The following TRANK1 variants were observed in gnomAD, a reference collection of about 807,000 sequenced individuals.
The protein encoded by TRANK1 is tetratricopeptide repeat and ankyrin repeat containing 1, also known as TPR and ankyrin repeat-containing protein 1.
A neutral mutation model predicts 266.0 loss-of-function variants in TRANK1; 198 were observed. The observed-to-expected ratio is 0.74, with a 90% CI of 0.66 to 0.84. The LOEUF is 0.84. Ranked by LOEUF, TRANK1 falls within the 40% of genes least tolerant of loss-of-function variation. The pLI is 0.00. For synonymous variants in TRANK1, 1,396 were observed against 1,384.1 expected (o/e 1.01, Z -0.19); for missense variants, 3,326 against 3,634.6 (o/e 0.92, Z 2.18).
chr3:36,831,615 T>C lies in TRANK1; in HGVS notation c.7968A>G (p.Lys2656=). 3 of 1,613,918 alleles carry C rather than the reference T, an allele frequency of 1.9e-6. No homozygotes were observed. The highest frequency in any genetic ancestry group is 2.2e-5 in the South Asian group (2 of 91,062). The change falls in exon 22 of 24, where the codon AAA becomes AAG. Residue 2656 remains lysine, a synonymous_variant. Coordinates refer to ENST00000645898, the MANE Select transcript of TRANK1 (RefSeq NM_001329998.2). The surrounding 1 kb of genome is among the most constrained non-coding windows in gnomAD (Gnocchi z 5.0). ...CDWRWDPVHT[K]GSIVRGLYYE... is the part of the protein sequence containing the mutation. Reference sequence around the variant, plus strand: ...AATAGAGGCCACGGACTATGGACCCTTTGGTGTGCACAGGGTCCCACCGCC... The same window carrying C: ...AATAGAGGCCACGGACTATGGACCCCTTGGTGTGCACAGGGTCCCACCGCC...
At chr3:36,860,619 C>T (rs1327393352) in intron 11 of TRANK1, among the ~76,000 whole-genome samples, 2 of 152,124 alleles carry the variant, frequency 1.3e-5, no homozygotes, top group African/African-American at 4.8e-5. Context: ...GAGCCAAGGA[C>T]CCTTCACACA....
Position 36,849,810 on chromosome 3 carries a change from T to C in TRANK1, c.4887+1909A>G, listed in dbSNP as rs140951618. Among the ~76,000 whole-genome samples, 439 of 152,342 alleles carry C rather than the reference T, an allele frequency of 2.9e-3. 2 individuals are homozygous for C. Among genetic ancestry groups the C allele is most frequent in the African/African-American group, 0.01 (428 of 41,580 alleles). ...TAAATGATAAACTGAGAGTGTGCTT[T>C]GGGCCAGGGAATGCATGGTCACATT... is the stretch of plus-strand genomic sequence containing the variant. On this transcript the variant is annotated intron_variant, in intron 15 of 23. Transcript: ENST00000645898.
chr3:36,846,687 G>C (rs1410835910), intron 16 of TRANK1, among the ~76,000 whole-genome samples: 2 of 151,984 alleles, frequency 1.3e-5, no homozygotes, highest in African/African-American at 2.4e-5. Flanking sequence ...TTTTTTTCCT[G>C]TTTTTGCTAT....
chr3:36,885,376 C>G (rs1222168108), intron 8 of TRANK1, among the ~76,000 whole-genome samples: 2 of 152,132 alleles, frequency 1.3e-5, no homozygotes, highest in Non-Finnish European at 2.9e-5. Context: ...AAATAACTGA[C>G]TACTACTCTC....
intron 10 of TRANK1, among the ~76,000 whole-genome samples, chr3:36,864,114 T>C (rs1012721509): frequency 6.6e-6 from 1 of 152,080 alleles, no homozygotes; most frequent in Admixed American, 6.6e-5. Flanking sequence ...TAGTAACAGG[T>C]TGTTTCTGGG....
intron 2 of TRANK1, among the ~76,000 whole-genome samples, chr3:36,906,643 T>C (rs2079972472): frequency 6.6e-6 from 1 of 151,860 alleles, no homozygotes; most frequent in Non-Finnish European, 1.5e-5. Flanking sequence ...GAAGGCAAGG[T>C]GATGACAGAA....
At chr3:36,860,053 A>G (rs1363680559) in intron 11 of TRANK1, among the ~76,000 whole-genome samples, 1 of 152,068 alleles carries the variant, frequency 6.6e-6, no homozygotes, top group African/African-American at 2.4e-5. Flanking sequence ...TGTCACTGTT[A>G]TATCTTACAT....
chr3:36,892,807 G>A (rs777193215), intron 6 of TRANK1, 94 bp downstream of exon 6: 251 of 437,654 alleles, frequency 5.7e-4, no homozygotes, highest in Non-Finnish European at 7.5e-4. Context: ...CAGCCTGGGC[G>A]AAAGGGCGAG....
At chr3:36,861,254 C>T (rs758624451) in intron 10 of TRANK1, 94 bp from the exon 11 acceptor site, 63 of 1,375,052 alleles carry the variant, frequency 4.6e-5, no homozygotes, top group Admixed American at 1.5e-4. Flanking sequence ...ATAATTAACA[C>T]GGATTATATA....
Position 36,926,524 on chromosome 3 carries a change from A to C in TRANK1, c.24-18070T>G, listed in dbSNP as rs149871399. Among the ~76,000 whole-genome samples, 708 of 152,294 alleles carry C rather than the reference A, an allele frequency of 4.6e-3. 22 individuals carry two copies. The highest frequency in any genetic ancestry group is 0.044 in the Admixed American group (679 of 15,302). ...GGCAATCATCCACCGTGACAAAGCA[A>C]ATAGGGAAGGCACCAGAAATGGCCT... is the stretch of plus-strand genomic sequence containing the variant. On this transcript the variant is annotated intron_variant, in intron 1 of 23. Coordinates refer to ENST00000645898, the MANE Select transcript of TRANK1 (RefSeq NM_001329998.2).
chr3:36,880,378 G>A, intron 8 of TRANK1: 1 of 376,068 alleles, frequency 2.7e-6, no homozygotes, highest in Non-Finnish European at 5.6e-6. Context: ...CCTCTAGCCA[G>A]CCCTCTTGGT....
intron 1 of TRANK1, among the ~76,000 whole-genome samples, chr3:36,944,378 C>A (rs1018191190): frequency 1.8e-4 from 28 of 152,206 alleles, no homozygotes; most frequent in East Asian, 1.9e-4. Flanking sequence ...CGCTGTGCTC[C>A]GCTCCCAGGT....
intron 4 of TRANK1, among the ~76,000 whole-genome samples, chr3:36,896,496 G>A (rs2079792041): frequency 6.6e-6 from 1 of 152,156 alleles, no homozygotes; most frequent in South Asian, 2.1e-4. Context: ...TAGAAACTGG[G>A]CGACGCCAAT....
chr3:36,855,750 C>T lies in TRANK1; in HGVS notation c.3972G>A (p.Glu1324=). The part of the protein sequence containing the change: ...DSDPRVYVTF[E]VFKNEIWPKM... ...TGGGCCATATTTCATTTTTGAACACCTCAAACGTCACGTACACCCGGGGGT... is the reference window on the plus strand; with the variant it reads ...TGGGCCATATTTCATTTTTGAACACTTCAAACGTCACGTACACCCGGGGGT... Residue 1324 remains glutamate (E), a synonymous_variant, in exon 13 of 24, where the codon GAG becomes GAA. Coordinates refer to ENST00000645898, the MANE Select transcript of TRANK1 (RefSeq NM_001329998.2). The T allele has an allele frequency of 6.2e-7, 1 of 1,613,614 alleles. No individual in the cohort carries two copies. Among genetic ancestry groups the T allele is most frequent in the Non-Finnish European group, 8.5e-7 (1 of 1,179,824 alleles).
At chr3:36,870,162 C>A (rs2079284707) in intron 9 of TRANK1, among the ~76,000 whole-genome samples, 1 of 152,184 alleles carries the variant, frequency 6.6e-6, no homozygotes. Flanking sequence ...AATCACAGCA[C>A]TTTAGGAGGC....
chr3:36,942,249 A>G (rs754958394), intron 1 of TRANK1, among the ~76,000 whole-genome samples: 11 of 152,174 alleles, frequency 7.2e-5, no homozygotes, highest in Non-Finnish European at 1.0e-4. Context: ...CCTGAGAGCC[A>G]TGGACTGGGA....
intron 1 of TRANK1, among the ~76,000 whole-genome samples, chr3:36,933,112 A>G (rs1405424753): frequency 6.6e-6 from 1 of 151,664 alleles, no homozygotes; most frequent in African/African-American, 2.4e-5. Flanking sequence ...TCCTTTCCTT[A>G]TTTGGAAATG....
In TRANK1 at chr3:36,874,297, C is replaced by T; in HGVS notation, c.908-1G>A. On this transcript the variant is annotated splice_acceptor_variant, in intron 8 of 23. Coordinates refer to ENST00000645898, the MANE Select transcript of TRANK1 (RefSeq NM_001329998.2). LOFTEE classifies it high-confidence loss of function. ...AGCATCTGCACATCCTCTGTTTGTCCTAGGGCAGGCCAAAATGAGAAGGGG... is the reference window on the plus strand; with the variant it reads ...AGCATCTGCACATCCTCTGTTTGTCTTAGGGCAGGCCAAAATGAGAAGGGG... 3 of 1,535,960 alleles carry T rather than the reference C, an allele frequency of 2.0e-6. No homozygotes were observed. The highest frequency in any genetic ancestry group is 2.6e-6 in the Non-Finnish European group (3 of 1,146,448).
At chr3:36,865,974 CAG>C (rs554994287) in intron 9 of TRANK1, among the ~76,000 whole-genome samples, 3 of 140,444 alleles carry the variant, frequency 2.1e-5, no homozygotes, top group Non-Finnish European at 3.1e-5. Flanking sequence ...GAGACAGAGA[CAG>C]AGAGAGAGAG....
Sources: gnomAD v4.1 joint callset for allele counts (sites outside exome capture counted in the v4.1 genomes callset) on GRCh38, gnomAD v4.1.1 for gene constraint, Gnocchi (gnomAD v3.1) non-coding constraint, MANE v1.5 for transcripts, NCBI Gene and HGNC (gene_info 2026-07-23, HGNC 2026-07-21) for gene names.